POU2F1: variants seen among roughly 807,000 people sequenced by gnomAD.
POU2F1 encodes POU domain, class 2, transcription factor 1.
Under a neutral mutation model 84.9 loss-of-function variants are expected in POU2F1, and 16 were observed. The ratio of observed to expected loss-of-function variants is 0.19; its 90% CI spans 0.13 to 0.29. The LOEUF (loss-of-function observed/expected upper bound fraction) is 0.29, where lower values mean the gene tolerates loss of function less well. POU2F1 is among the 10% of genes least tolerant of loss of function. The pLI is 1.00. For missense variants in POU2F1, 738 were observed against 942.6 expected, an observed-to-expected ratio of 0.78 and a Z score of 2.84; for synonymous variants, 368 against 368.3, an observed-to-expected ratio of 1.00 and a Z score of 0.01.
chr1:167,383,859 C>A lies in POU2F1; in HGVS notation c.721C>A (p.Leu241Ile). Reference sequence around the variant, plus strand: ...GATAACATGTTTTTCTTCTACAGGTCTCCTGCAAGCGCAAAATCTTCTAAC... The same window carrying A: ...GATAACATGTTTTTCTTCTACAGGTATCCTGCAAGCGCAAAATCTTCTAAC... ...ISQTPQGQQGLLQAQNLLTQL... is the reference protein window; with the variant it reads ...ISQTPQGQQGILQAQNLLTQL... Residue 241 changes from leucine to isoleucine, a missense_variant and splice_region_variant, in exon 8 of 16, where the codon CTC (leucine) becomes ATC (isoleucine). By Grantham distance (5) the Leu-to-Ile change is conservative. Coordinates refer to ENST00000367866, the MANE Select transcript of POU2F1 (RefSeq NM_002697.4). 6.2e-7 allele frequency: 1 copy of A among 1,612,554 alleles called. No homozygotes were observed. The highest frequency in any genetic ancestry group is 1.1e-5 in the South Asian group (1 of 90,908).
At chr1:167,335,028 T>TA (rs1219913961) in intron 2 of POU2F1, among the ~76,000 whole-genome samples, 5 of 152,238 alleles carry the variant, frequency 3.3e-5, no homozygotes, top group African/African-American at 7.2e-5. Context: ...ATTGTGTTGA[T>TA]ACGTTAATTC....
intron 11 of POU2F1, among the ~76,000 whole-genome samples, chr1:167,398,451 C>T (rs558304279): frequency 2.6e-5 from 4 of 152,114 alleles, no homozygotes; most frequent in Non-Finnish European, 4.4e-5. Flanking sequence ...AATGCATGAG[C>T]GTTTCCCCCT....
At chr1:167,335,001 T>A (rs1320816311) in intron 2 of POU2F1, among the ~76,000 whole-genome samples, 1 of 152,188 alleles carries the variant, frequency 6.6e-6, no homozygotes, top group African/African-American at 2.4e-5. Context: ...AGAATGATAT[T>A]GTAAAATTAT....
chr1:167,258,688 G>C (rs527404700), intron 1 of POU2F1, among the ~76,000 whole-genome samples: 1 of 152,266 alleles, frequency 6.6e-6, no homozygotes, highest in East Asian at 1.9e-4. Context: ...CAAAATCATG[G>C]ATACTATGTA....
intron 1 of POU2F1, among the ~76,000 whole-genome samples, chr1:167,290,497 T>C (rs949432849): frequency 4.6e-5 from 7 of 152,340 alleles, no homozygotes; most frequent in African/African-American, 1.7e-4. Flanking sequence ...TTTCTTAGCT[T>C]TTGCTCAAAT....
intron 1 of POU2F1, among the ~76,000 whole-genome samples, chr1:167,232,434 AATAG>A (rs1368613411): frequency 2.6e-5 from 4 of 152,250 alleles, no homozygotes; most frequent in South Asian, 2.1e-4. Flanking sequence ...AAAAAATTTA[AATAG>A]ATAAGAGCTT....
intron 1 of POU2F1, chr1:167,241,284 AT>A (rs1307626870): frequency 1.3e-5 from 2 of 152,116 alleles, no homozygotes; most frequent in Admixed American, 1.3e-4. Context: ...GTCATAATCT[AT>A]TTGTCTTCAT....
At chr1:167,344,779 G>T (rs1013530337) in intron 2 of POU2F1, among the ~76,000 whole-genome samples, 1 of 152,124 alleles carries the variant, frequency 6.6e-6, no homozygotes, top group Non-Finnish European at 1.5e-5. Context: ...GGGAGGGGAC[G>T]TTAGAAGGGC....
chr1:167,385,145 C>G (rs2101883378), intron 8 of POU2F1, among the ~76,000 whole-genome samples: 1 of 152,120 alleles, frequency 6.6e-6, no homozygotes, highest in East Asian at 1.9e-4. Context: ...ACAAATAGTT[C>G]TATAGTTGAA....
At chr1:167,383,760 C>T (rs1287278418) in intron 7 of POU2F1, 97 bp from the exon 8 acceptor site, 1 of 1,055,098 alleles carries the variant, frequency 9.5e-7, no homozygotes, top group Non-Finnish European at 1.4e-6. Flanking sequence ...CAGAGATCAA[C>T]TGGAAATTTT....
At chr1:167,345,967 C>T (rs1220004986) in intron 2 of POU2F1, among the ~76,000 whole-genome samples, 1 of 149,612 alleles carries the variant, frequency 6.7e-6, no homozygotes, top group Non-Finnish European at 1.5e-5. Flanking sequence ...TGAAGACTAG[C>T]CTGGGCAACA....
intron 9 of POU2F1, among the ~76,000 whole-genome samples, chr1:167,394,433 C>T (rs1345501984): frequency 6.6e-6 from 1 of 152,146 alleles, no homozygotes; most frequent in Admixed American, 6.5e-5. Context: ...TTATGCCCTG[C>T]TCACCACTGA....
intron 1 of POU2F1, among the ~76,000 whole-genome samples, chr1:167,282,423 C>T (rs1210799934): frequency 5.3e-5 from 8 of 152,182 alleles, no homozygotes; most frequent in Non-Finnish European, 1.0e-4. Flanking sequence ...GGATTACAGG[C>T]GTGACCTACC....
chr1:167,312,995 A>C (rs2102606902), intron 1 of POU2F1, among the ~76,000 whole-genome samples: 1 of 152,358 alleles, frequency 6.6e-6, no homozygotes, highest in Non-Finnish European at 1.5e-5. Flanking sequence ...GGTGTATAGT[A>C]GCCTGTACCA....
chr1:167,285,299 T>C (rs1402508306), intron 1 of POU2F1, among the ~76,000 whole-genome samples: 1 of 152,218 alleles, frequency 6.6e-6, no homozygotes, highest in Non-Finnish European at 1.5e-5. Context: ...ATATGTACTT[T>C]AGATGTATCT....
At chr1:167,397,512 T>A (rs1046900988) in intron 10 of POU2F1, among the ~76,000 whole-genome samples, 2 of 151,964 alleles carry the variant, frequency 1.3e-5, no homozygotes, top group Non-Finnish European at 2.9e-5. Flanking sequence ...GCAGCAGAAA[T>A]ATCCATGGTA....
At chr1:167,227,984 T>A (rs2102331981) in intron 1 of POU2F1, among the ~76,000 whole-genome samples, 1 of 152,318 alleles carries the variant, frequency 6.6e-6, no homozygotes, top group South Asian at 2.1e-4. Flanking sequence ...AACTATTCAG[T>A]AACAGATAAG....
intron 12 of POU2F1, among the ~76,000 whole-genome samples, chr1:167,400,414 T>TC (rs1181509869): frequency 6.6e-6 from 1 of 152,218 alleles, no homozygotes; most frequent in East Asian, 1.9e-4. Flanking sequence ...TTGCTGCTGA[T>TC]CCCAGTTATC....
At chr1:167,378,355 C>T (rs1485096846) in intron 7 of POU2F1, among the ~76,000 whole-genome samples, 1 of 151,794 alleles carries the variant, frequency 6.6e-6, no homozygotes, top group African/African-American at 2.4e-5. Context: ...CCTGCCTCGG[C>T]CTCCCAAGTA....
Sources: allele counts gnomAD v4.1 joint callset (sites outside exome capture counted in the v4.1 genomes callset), GRCh38; gene constraint gnomAD v4.1.1; transcripts MANE v1.5; gene names NCBI Gene and HGNC (gene_info 2026-07-23, HGNC 2026-07-21).